KDM2B: variants seen among roughly 807,000 people sequenced by gnomAD.
KDM2B encodes lysine-specific demethylase 2B.
Under a neutral mutation model 150.0 loss-of-function variants are expected in KDM2B, and 26 were observed. That is an observed-to-expected ratio of 0.17 (90% CI 0.13 to 0.24). The LOEUF is 0.24. KDM2B is among the 10% of genes least tolerant of loss of function. KDM2B has a pLI of 1.00. For synonymous variants in KDM2B, 734 were observed against 729.5 expected (o/e 1.01, Z -0.10); for missense variants, 1,265 against 1,816.9 (o/e 0.70, Z 5.52).
chr12:121,443,083 G>C, intron 17 of KDM2B, 53 bp from the exon 18 acceptor site: 3 of 1,513,084 alleles, frequency 2.0e-6, no homozygotes, highest in African/African-American at 4.2e-5. Context: ...CGTGGGATTT[G>C]GTCTCCTCGA....
Position 121,518,619 on chromosome 12 carries a change from G to A in KDM2B, c.1047+2366C>T, listed in dbSNP as rs573915729. Among the ~76,000 whole-genome samples, 1 of 152,198 alleles carries A rather than the reference G, an allele frequency of 6.6e-6. No individual in the cohort carries two copies. On this transcript the variant is annotated intron_variant, in intron 9 of 22. Transcript: ENST00000377071. The surrounding 1 kb of genome is among the most constrained non-coding windows in gnomAD (Gnocchi z 4.4). ...CAGCACCCTGCCAGTCGTCATGGGT[G>A]GGGGAAGGGACCTGGGCTCCTAAGG...
rs782663138 is a variant in KDM2B, at chr12:121,534,514, C to T, written c.760G>A (p.Val254Ile). 1.2e-6 allele frequency: 2 copies of T among 1,613,932 alleles called. No homozygotes were observed. The highest frequency in any genetic ancestry group is 4.5e-5 in the East Asian group (2 of 44,870). The change falls in exon 7 of 23, where the codon GTT (valine) becomes ATT (isoleucine). Residue 254 changes from valine to isoleucine, a missense_variant. Val to Ile is a conservative substitution (Grantham distance 29). Transcript: ENST00000377071. The stretch of plus-strand genomic sequence containing the variant: ...AAACTCACCTTCCCACCCCGGAAAA[C>T]ATGGTACCAAACGGAAGTGCCTCCA... Reference protein sequence around the residue: ...DFGGTSVWYHVFRGGKIFWLI... With the variant: ...DFGGTSVWYHIFRGGKIFWLI...
At position 121,440,377 on chromosome 12, in the gene KDM2B, C is replaced by T. The variant is rs369651258; in HGVS notation, c.3611-302G>A. Reference sequence around the variant, plus strand: ...AGCATCTCCGATCCCCATGGCTTGGCGAGAAGCACGGACCTAGGCAGTCCA... The same window carrying T: ...AGCATCTCCGATCCCCATGGCTTGGTGAGAAGCACGGACCTAGGCAGTCCA... On this transcript the variant is annotated intron_variant, in intron 21 of 22. Coordinates refer to ENST00000377071, the MANE Select transcript of KDM2B (RefSeq NM_032590.5). 1.4e-3 allele frequency: 653 copies of T among 457,672 alleles called. 8 individuals carry two copies. The highest frequency in any genetic ancestry group is 5.6e-3 in the Middle Eastern group (9 of 1,598). 28.4% of individuals were successfully genotyped at this position (457,672 alleles called of 1,614,324 possible).
At position 121,442,847 on chromosome 12, in the gene KDM2B, G is replaced by C. The variant is rs781782970; in HGVS notation, c.2605-11C>G. 6 of 1,517,276 alleles carry C rather than the reference G, an allele frequency of 4.0e-6. No individual in the cohort carries two copies. The highest frequency in any genetic ancestry group is 2.7e-5 in the South Asian group (2 of 75,284). The allele number at this position is 1,517,276 out of a possible 1,614,324, so 94.0% of individuals were successfully genotyped here. ...CTTCCAGGACCGCCGCTGAGGGCGAGAGCGGAGACGCGTCAGCCTCTGGGG... is the reference window on the plus strand; with the variant it reads ...CTTCCAGGACCGCCGCTGAGGGCGACAGCGGAGACGCGTCAGCCTCTGGGG... On this transcript the variant is annotated splice_polypyrimidine_tract_variant and intron_variant, in intron 18 of 22. Transcript: ENST00000377071. This position sits in a 1 kb window ranked among gnomAD's most constrained non-coding sequence, Gnocchi z 7.7.
intron 10 of KDM2B, among the ~76,000 whole-genome samples, chr12:121,510,428 C>CT (rs1456821395): frequency 7.2e-5 from 11 of 151,994 alleles, no homozygotes; most frequent in Non-Finnish European, 1.3e-4. Flanking sequence ...TTTTTTTAAG[C>CT]TTTTTTTGTA....
In KDM2B at chr12:121,442,631, C is replaced by T. The variant is rs1875335278; in HGVS notation, c.2810G>A (p.Arg937Gln). 2 of 1,603,732 alleles carry T rather than the reference C, an allele frequency of 1.2e-6. No individual in the cohort carries two copies. Among genetic ancestry groups the T allele is most frequent in the African/African-American group, 1.3e-5 (1 of 74,882 alleles). ...PEEKKKVKMR[R>Q]KRRLPNKELS... ...CTCCTTGTTGGGAAGCCGCCGCTTC[C>T]GGCGCATCTTCACCTTCTTCTTCTC... is the stretch of plus-strand genomic sequence containing the variant. The change falls in exon 19 of 23, where the codon CGG (arginine) becomes CAG (glutamine). Residue 937 changes from arginine (R) to glutamine (Q), a missense_variant. By Grantham distance (43) the Arg-to-Gln change is conservative (BLOSUM62 1). Transcript: ENST00000377071. The surrounding 1 kb of genome is among the most constrained non-coding windows in gnomAD (Gnocchi z 7.7).
At chr12:121,569,092 A>C (rs1890912024) in intron 4 of KDM2B, among the ~76,000 whole-genome samples, 1 of 152,216 alleles carries the variant, frequency 6.6e-6, no homozygotes, top group African/African-American at 2.4e-5. Context: ...CCCCGCAATG[A>C]CTGGGAGGGC....
At chr12:121,564,376 T>A (rs370523784) in intron 4 of KDM2B, among the ~76,000 whole-genome samples, 3 of 152,056 alleles carry the variant, frequency 2.0e-5, no homozygotes, top group African/African-American at 7.2e-5. Flanking sequence ...GAAAATGGCG[T>A]GAACCCGGGA....
At chr12:121,419,387 G>A in the KDM2B span, among the ~76,000 whole-genome samples, 2 of 152,188 alleles carry the variant, frequency 1.3e-5, no homozygotes, top group Non-Finnish European at 2.9e-5. Flanking sequence ...TCTCCTAGTC[G>A]TCAAGCAACA....
chr12:121,503,354 C>T (rs1331859768), intron 11 of KDM2B, among the ~76,000 whole-genome samples: 1 of 151,562 alleles, frequency 6.6e-6, no homozygotes, highest in Non-Finnish European at 1.5e-5. Flanking sequence ...ACAGTGGTGC[C>T]ATCACAGCTC....
chr12:121,555,888 TC>T (rs1361769722), intron 4 of KDM2B, among the ~76,000 whole-genome samples: 1 of 152,038 alleles, frequency 6.6e-6, no homozygotes, highest in Non-Finnish European at 1.5e-5. Flanking sequence ...CTCTATTAGT[TC>T]CCATGAGACT....
chr12:121,527,256 C>T (rs1256849918), intron 8 of KDM2B, among the ~76,000 whole-genome samples: 1 of 142,846 alleles, frequency 7.0e-6, no homozygotes, highest in Non-Finnish European at 1.5e-5. Flanking sequence ...CGGGGTTTCA[C>T]CGTGTTAGCC....
Position 121,518,318 on chromosome 12 carries a change from G to C in KDM2B, c.1047+2667C>G, listed in dbSNP as rs533266521. ...ATCTGGTTCCAGAATTCTCTCCCCAGTGCCTTTTGTCTGCCTTGGCTCCTA... is the reference window on the plus strand; with the variant it reads ...ATCTGGTTCCAGAATTCTCTCCCCACTGCCTTTTGTCTGCCTTGGCTCCTA... On this transcript the variant is annotated intron_variant, in intron 9 of 22. Transcript: ENST00000377071. The surrounding 1 kb of genome is among the most constrained non-coding windows in gnomAD (Gnocchi z 4.4). 6.6e-6 allele frequency among the ~76,000 whole-genome samples: 1 copy of C among 152,200 alleles called. No individual in the cohort carries two copies. Among genetic ancestry groups the C allele is most frequent in the Non-Finnish European group, 1.5e-5 (1 of 68,034 alleles).
intron 6 of KDM2B, among the ~76,000 whole-genome samples, chr12:121,548,483 C>A (rs1247007799): frequency 1.3e-5 from 2 of 152,160 alleles, no homozygotes; most frequent in Non-Finnish European, 2.9e-5. Flanking sequence ...AAAACCAAAG[C>A]ATCCAATGTG....
At chr12:121,460,324 C>G (rs1163161528) in intron 12 of KDM2B, among the ~76,000 whole-genome samples, 1 of 152,228 alleles carries the variant, frequency 6.6e-6, no homozygotes, top group Non-Finnish European at 1.5e-5. Context: ...AAACTAACAT[C>G]TAGGTTGAGG....
In KDM2B at chr12:121,453,972, G is replaced by A. The variant is rs1157298987; in HGVS notation, c.1735-628C>T. ...CTCCGTCTGCTCCCCAAGAAAGACC[G>A]CAAGGGGCCACACAATCGGTCTCTG... is the stretch of plus-strand genomic sequence containing the variant. On this transcript the variant is annotated intron_variant, in intron 12 of 22. Coordinates refer to ENST00000377071, the MANE Select transcript of KDM2B (RefSeq NM_032590.5). The surrounding 1 kb of genome is among the most constrained non-coding windows in gnomAD (Gnocchi z 6.4). Among the ~76,000 whole-genome samples the A allele has an allele frequency of 6.6e-6, 1 of 152,148 alleles. No homozygotes were observed. Among genetic ancestry groups the A allele is most frequent in the African/African-American group, 2.4e-5 (1 of 41,502 alleles).
intron 12 of KDM2B, among the ~76,000 whole-genome samples, chr12:121,458,760 C>T (rs974470120): frequency 2.6e-5 from 4 of 152,002 alleles, no homozygotes; most frequent in Admixed American, 6.6e-5. Flanking sequence ...AAGATCATGA[C>T]ATTGCACTCC....
intron 6 of KDM2B, among the ~76,000 whole-genome samples, chr12:121,538,586 T>C (rs368442728): frequency 1.3e-5 from 2 of 152,194 alleles, no homozygotes; most frequent in East Asian, 1.9e-4. Context: ...CATCATAGCA[T>C]GGTTGAGAGA....
chr12:121,580,590 G>A (rs1891900833), intron 1 of KDM2B, 196 bp downstream of exon 1: 2 of 905,834 alleles, frequency 2.2e-6, no homozygotes, highest in Non-Finnish European at 3.1e-6. Flanking sequence ...GAGGGAAGGA[G>A]GAGGGGGCGG....
Sources: gnomAD v4.1 joint callset for allele counts (sites outside exome capture counted in the v4.1 genomes callset) on GRCh38, gnomAD v4.1.1 for gene constraint, Gnocchi (gnomAD v3.1) non-coding constraint, MANE v1.5 for transcripts, NCBI Gene and HGNC (gene_info 2026-07-23, HGNC 2026-07-21) for gene names.